Variants in ARL15 observed in about 807,000 individuals in gnomAD.
ARL15 encodes ARF like GTPase 15, also known as ADP-ribosylation factor-like protein 15.
A neutral mutation model predicts 25.2 loss-of-function variants in ARL15; 19 were observed. The observed-to-expected ratio is 0.75, with a 90% confidence interval of 0.53 to 1.10. The LOEUF (loss-of-function observed/expected upper bound fraction) is 1.10. Ranked by LOEUF, ARL15 falls within the 50% of genes least tolerant of loss-of-function variation. The pLI, the probability that ARL15 is intolerant of heterozygous loss-of-function variation, is 0.00. For missense variants in ARL15, 220 were observed against 246.0 expected (o/e 0.89, Z 0.71); for synonymous variants, 94 against 86.8 (o/e 1.08, Z -0.46).
intron 4 of ARL15, among the ~76,000 whole-genome samples, chr5:53,989,420 C>T (rs181395083): frequency 3.9e-5 from 6 of 152,218 alleles, no homozygotes; most frequent in Middle Eastern, 3.4e-3. Flanking sequence ...AAACATTCCT[C>T]GCTTTACAAA....
chr5:54,112,195 C>A (rs1487971256), intron 4 of ARL15, among the ~76,000 whole-genome samples: 1 of 152,018 alleles, frequency 6.6e-6, no homozygotes, highest in Non-Finnish European at 1.5e-5. Context: ...GGTGTTTAAA[C>A]TTCAAAGTAA....
chr5:53,993,664 T>C (rs918111323), intron 4 of ARL15, among the ~76,000 whole-genome samples: 1 of 152,176 alleles, frequency 6.6e-6, no homozygotes, highest in Non-Finnish European at 1.5e-5. Context: ...GTCTGTGCAC[T>C]TTCTTTCCTC....
chr5:54,093,807 A>T (rs1353416073), intron 4 of ARL15, among the ~76,000 whole-genome samples: 1 of 152,150 alleles, frequency 6.6e-6, no homozygotes, highest in Non-Finnish European at 1.5e-5. Flanking sequence ...AAATACCATT[A>T]TCATACAATA....
chr5:54,220,591 T>C (rs1756345639), intron 1 of ARL15, among the ~76,000 whole-genome samples: 2 of 152,212 alleles, frequency 1.3e-5, no homozygotes, highest in African/African-American at 4.8e-5. Context: ...ATCACCTTAA[T>C]TTTTTAATAT....
intron 1 of ARL15, among the ~76,000 whole-genome samples, chr5:54,271,890 A>G (rs1298157250): frequency 6.6e-6 from 1 of 151,658 alleles, no homozygotes; most frequent in Non-Finnish European, 1.5e-5. Flanking sequence ...ATATTAATCT[A>G]TTGGCTGTGC....
At chr5:53,888,533 C>T (rs747299559) in intron 4 of ARL15, among the ~76,000 whole-genome samples, 1 of 152,158 alleles carries the variant, frequency 6.6e-6, no homozygotes, top group South Asian at 2.1e-4. Context: ...CTTCTGCCAC[C>T]TCAGCCTCCA....
chr5:53,951,457 A>G (rs1746953676), intron 4 of ARL15: 1 of 468,170 alleles, frequency 2.1e-6, no homozygotes, highest in African/African-American at 2.0e-5. Flanking sequence ...TTCTGTATTT[A>G]TCTTCTTGCA....
chr5:54,080,109 T>C (rs1751749822), intron 4 of ARL15, among the ~76,000 whole-genome samples: 1 of 152,164 alleles, frequency 6.6e-6, no homozygotes, highest in South Asian at 2.1e-4. Flanking sequence ...AGGCCCTATA[T>C]TAGGTATATG....
intron 4 of ARL15, among the ~76,000 whole-genome samples, chr5:53,908,368 C>T (rs1249010612): frequency 6.6e-6 from 1 of 152,084 alleles, no homozygotes; most frequent in Non-Finnish European, 1.5e-5. Context: ...ATGTAATGAA[C>T]TTTTTTTCCT....
At chr5:54,087,062 C>T (rs117234685) in intron 4 of ARL15, among the ~76,000 whole-genome samples, 7 of 151,950 alleles carry the variant, frequency 4.6e-5, no homozygotes, top group Admixed American at 1.3e-4. Context: ...AGTCACTGGG[C>T]GTGGTGGCTC....
intron 4 of ARL15, among the ~76,000 whole-genome samples, chr5:53,968,561 A>T (rs775932651): frequency 4.4e-4 from 67 of 152,286 alleles, no homozygotes; most frequent in African/African-American, 1.6e-3. Context: ...CCAGAAAGTA[A>T]TATTTACTGT....
At chr5:54,224,169 C>T (rs571217930) in intron 1 of ARL15, among the ~76,000 whole-genome samples, 1 of 152,186 alleles carries the variant, frequency 6.6e-6, no homozygotes, top group South Asian at 2.1e-4. Flanking sequence ...CCGGGGTAAC[C>T]GTCCAAGCCA....
chr5:54,092,705 G>A (rs762247009), intron 4 of ARL15, among the ~76,000 whole-genome samples: 2 of 152,080 alleles, frequency 1.3e-5, no homozygotes, highest in Non-Finnish European at 2.9e-5. Flanking sequence ...ACCAAGCCTC[G>A]AGAGGCTGCT....
intron 4 of ARL15, among the ~76,000 whole-genome samples, chr5:54,018,260 T>A (rs892452769): frequency 6.6e-6 from 1 of 152,226 alleles, no homozygotes; most frequent in African/African-American, 2.4e-5. Context: ...ATTTATAATT[T>A]GTTGCCTTTT....
At chr5:54,304,534 T>C (rs1322493087) in intron 1 of ARL15, among the ~76,000 whole-genome samples, 11 of 152,320 alleles carry the variant, frequency 7.2e-5, no homozygotes, top group African/African-American at 2.6e-4. Flanking sequence ...CTCCTAGGGC[T>C]CATACTGTTA....
chr5:53,894,289 A>G (rs1744804365), intron 4 of ARL15, among the ~76,000 whole-genome samples: 1 of 152,156 alleles, frequency 6.6e-6, no homozygotes, highest in Non-Finnish European at 1.5e-5. Context: ...ATCTTCCCCA[A>G]TCAGTAACCT....
intron 1 of ARL15, among the ~76,000 whole-genome samples, chr5:54,269,779 G>A (rs772745527): frequency 1.3e-5 from 2 of 152,152 alleles, no homozygotes; most frequent in Non-Finnish European, 2.9e-5. Flanking sequence ...CTGATTAGCT[G>A]GGATTACAGA....
At chr5:53,961,528 CATTG>C (rs954826595) in intron 4 of ARL15, among the ~76,000 whole-genome samples, 17 of 149,184 alleles carry the variant, frequency 1.1e-4, no homozygotes, top group Middle Eastern at 3.5e-3. Context: ...AAATCATTCC[CATTG>C]ATTGATTTTA....
At chr5:53,917,904 G>T (rs1008828392) in intron 4 of ARL15, among the ~76,000 whole-genome samples, 1 of 152,084 alleles carries the variant, frequency 6.6e-6, no homozygotes, top group African/African-American at 2.4e-5. Context: ...AAACGCTTTT[G>T]GTAAATAGAC....
Sources: allele counts gnomAD v4.1 joint callset (sites outside exome capture counted in the v4.1 genomes callset), GRCh38; gene constraint gnomAD v4.1.1; transcripts MANE v1.5; gene names NCBI Gene and HGNC (gene_info 2026-07-23, HGNC 2026-07-21).